The following SLCO4A1 variants were observed in gnomAD, a reference collection of about 807,000 sequenced individuals.
SLCO4A1 encodes the protein solute carrier organic anion transporter family member 4A1.
SLCO4A1 carries 51 observed loss-of-function variants against 64.6 expected under a neutral mutation model. The ratio of observed to expected loss-of-function variants is 0.79; its 90% CI spans 0.63 to 1.00. The LOEUF is 1.00. SLCO4A1 is among the 50% of genes least tolerant of loss of function. The probability of loss-of-function intolerance (pLI) is 0.00; values close to 1 mark genes in which losing one functional copy is unlikely to be tolerated. For missense variants in SLCO4A1, 919 were observed against 980.5 expected (o/e 0.94, Z 0.84); for synonymous variants, 471 against 444.9 (o/e 1.06, Z -0.74).
rs530184847 is a variant in SLCO4A1 at position 62,656,718 on chromosome 20, G to T, written c.264G>T (p.Trp88Cys). The change falls in exon 2 of 12, where the codon TGG becomes TGT. Residue 88 changes from tryptophan to cysteine, a missense_variant. Transcript: ENST00000217159. ...CCGGGCAGAGCGTGGCGTGCGGCTG[G>T]TGGGCCTTCGCACCGCCGTGCCTGC... ...VSAGQSVACG[W>C]WAFAPPCLQV... is the part of the protein sequence containing the mutation. The T allele has an allele frequency of 1.9e-6, 3 of 1,610,908 alleles. No individual in the cohort carries two copies. In the South Asian group the frequency reaches 3.3e-5, roughly 18 times the overall value.
chr20:62,648,040 G>A (rs1981697229), intron 1 of SLCO4A1, among the ~76,000 whole-genome samples: 1 of 152,224 alleles, frequency 6.6e-6, no homozygotes. Flanking sequence ...AGGCGCACAC[G>A]CACGCATACA....
At chr20:62,673,287 G>A (rs1987413284), downstream of SLCO4A1, among the ~76,000 whole-genome samples, 1 of 142,650 alleles carries the variant, frequency 7.0e-6, no homozygotes, top group African/African-American at 2.5e-5. Flanking sequence ...CAGGGGCTCT[G>A]GGGAGCCAGG....
intron 11 of SLCO4A1, chr20:62,670,033 C>A (rs558826349): frequency 6.6e-6 from 1 of 152,234 alleles, no homozygotes; most frequent in Non-Finnish European, 1.5e-5. Flanking sequence ...CTTTAAAGCA[C>A]GCGCCGTTCT....
intron 8 of SLCO4A1, 47 bp from the exon 9 acceptor site, chr20:62,667,965 C>A (rs1372279759): frequency 1.2e-6 from 2 of 1,613,548 alleles, no homozygotes; most frequent in African/African-American, 2.7e-5. Flanking sequence ...TGGGAAGGGG[C>A]CCCCGTGCCT....
chr20:62,659,670 C>T (rs1339615400), intron 3 of SLCO4A1, among the ~76,000 whole-genome samples: 1 of 152,222 alleles, frequency 6.6e-6, no homozygotes, highest in African/African-American at 2.4e-5. Flanking sequence ...GAGGCGGCCG[C>T]AGCATTTCTG....
At position 62,644,502 on chromosome 20, in the gene SLCO4A1, A is replaced by G. The variant is rs1980971970; in HGVS notation, c.-97+1949A>G. Among the ~76,000 whole-genome samples the G allele has an allele frequency of 6.6e-6, 1 of 152,210 alleles. No homozygotes were observed. The highest frequency in any genetic ancestry group is 2.4e-5 in the African/African-American group (1 of 41,458). On this transcript the variant is annotated intron_variant, in intron 1 of 11. Transcript: ENST00000217159. The surrounding 1 kb of genome is among the most constrained non-coding windows in gnomAD (Gnocchi z 5.4). ...GGCCAGGTGAAGGGTGGCCAGGTGG[A>G]TGGACATGCTCTCCTTGCTAGACTA...
rs1448700435 is a variant in SLCO4A1, at chr20:62,664,973, G to C, written c.1161G>C (p.Leu387=). 1.2e-6 allele frequency: 2 copies of C among 1,613,340 alleles called. No individual in the cohort carries two copies. Among genetic ancestry groups the C allele is most frequent in the Non-Finnish European group, 1.7e-6 (2 of 1,179,674 alleles). Residue 387 remains leucine, a synonymous_variant, in exon 6 of 12, where the codon CTG becomes CTC. Transcript: ENST00000217159. ...WLLLKNPTFI[L]LCLAGATEAT... ...TGCTGAAGAACCCCACGTTCATCCT[G>C]CTCTGCCTGGCCGGGGCCACCGAGG...
chr20:62,673,294 C>T (rs576989769), downstream of SLCO4A1, among the ~76,000 whole-genome samples: 99 of 142,678 alleles, frequency 6.9e-4, 8 homozygotes, highest in African/African-American at 2.2e-3. Context: ...TCTGGGGAGC[C>T]AGGGAAGTGG....
rs1260627160 is a variant in SLCO4A1 at position 62,666,431 on chromosome 20, T to C, written c.1328T>C (p.Phe443Ser). The C allele has an allele frequency of 6.2e-7, 1 of 1,613,200 alleles. No individual in the cohort carries two copies. Among genetic ancestry groups the C allele is most frequent in the Admixed American group, 1.7e-5 (1 of 60,014 alleles). ...GGCGGCACCTTCCTGGGCGGCTTCTTTGTGAACAAGCTCAGGCTCCGGGGC... is the reference window on the plus strand; with the variant it reads ...GGCGGCACCTTCCTGGGCGGCTTCTCTGTGAACAAGCTCAGGCTCCGGGGC... ...GGGGTFLGGF[F>S]VNKLRLRGSA... Residue 443 changes from phenylalanine (F) to serine (S), a missense_variant, in exon 7 of 12, where the codon TTT (phenylalanine) becomes TCT (serine). Transcript: ENST00000217159.
At chr20:62,651,350 C>T (rs966204788) in intron 1 of SLCO4A1, 7 of 152,162 alleles carry the variant, frequency 4.6e-5, no homozygotes, top group South Asian at 2.1e-4. Context: ...ATGCTGCTTG[C>T]GTGAGATTCA....
At chr20:62,652,755 C>T (rs1042215812) in intron 1 of SLCO4A1, among the ~76,000 whole-genome samples, 6 of 152,214 alleles carry the variant, frequency 3.9e-5, no homozygotes, top group African/African-American at 9.6e-5. Flanking sequence ...GGTGTGGCCG[C>T]GGGCACCCAG....
In SLCO4A1 at chr20:62,656,856, C is replaced by T; in HGVS notation, c.402C>T (p.Arg134=). 1 of 1,602,624 alleles carries T rather than the reference C, an allele frequency of 6.2e-7. No homozygotes were observed. The highest frequency in any genetic ancestry group is 1.1e-5 in the South Asian group (1 of 90,290). The change falls in exon 2 of 12, where the codon CGC becomes CGT. Residue 134 remains arginine, a synonymous_variant. Transcript: ENST00000217159. ...CAGTCATCACCTCCCTGGAGCGCCG[C>T]TATGACCTGCACAGCTACCAGAGCG... The part of the protein sequence containing the change: ...INTVITSLER[R]YDLHSYQSGL...
intron 2 of SLCO4A1, among the ~76,000 whole-genome samples, chr20:62,682,649 CCACACA>C (rs10552847): frequency 0.038 from 5,769 of 150,598 alleles, 155 homozygotes; most frequent in South Asian, 0.098. Context: ...GACCATGTGA[CCACACA>C]CACACACACA....
chr20:62,663,024 A>C (rs1280575271), intron 5 of SLCO4A1: 1 of 152,236 alleles, frequency 6.6e-6, no homozygotes, highest in East Asian at 1.9e-4. Flanking sequence ...TCAAGTCAGG[A>C]AATAAATTTT....
At chr20:62,684,541 A>G (rs545907991) in intron 2 of SLCO4A1, among the ~76,000 whole-genome samples, 91 of 152,248 alleles carry the variant, frequency 6.0e-4, no homozygotes, top group East Asian at 5.8e-4. Context: ...CCACAATCAC[A>G]GGGGAGACTG....
rs1010424741 is a variant in SLCO4A1 at position 62,648,033 on chromosome 20, C to T, written c.-97+5480C>T. Among the ~76,000 whole-genome samples, 3 of 152,242 alleles carry T rather than the reference C, an allele frequency of 2.0e-5. No homozygotes were observed. The East Asian group carries it at 5.8e-4, about 29-fold the overall frequency. ...TAGCGGGCACTGACCCATACACAGGCGCACACGCACGCATACACCCTCCCC... is the reference window on the plus strand; with the variant it reads ...TAGCGGGCACTGACCCATACACAGGTGCACACGCACGCATACACCCTCCCC... On this transcript the variant is annotated intron_variant, in intron 1 of 11. Transcript: ENST00000217159.
At chr20:62,684,962 G>T (rs1365106780) in intron 2 of SLCO4A1, among the ~76,000 whole-genome samples, 1 of 152,144 alleles carries the variant, frequency 6.6e-6, no homozygotes, top group Non-Finnish European at 1.5e-5. Flanking sequence ...TCCCCAGAAA[G>T]GCCCGGCCAA....
intron 10 of SLCO4A1, 126 bp downstream of exon 10, chr20:62,668,667 G>A (rs943267097): frequency 2.8e-5 from 27 of 973,534 alleles, no homozygotes; most frequent in Non-Finnish European, 4.2e-5. Flanking sequence ...CCTGGGAAGG[G>A]GTCCATTCCC....
chr20:62,664,034 A>G (rs1985599734), intron 5 of SLCO4A1, among the ~76,000 whole-genome samples: 1 of 151,906 alleles, frequency 6.6e-6, no homozygotes, highest in Non-Finnish European at 1.5e-5. Context: ...GCCCCGACGC[A>G]CTGCTGTCGG....
Sources: gnomAD v4.1 joint callset for allele counts (sites outside exome capture counted in the v4.1 genomes callset) on GRCh38, gnomAD v4.1.1 for gene constraint, Gnocchi (gnomAD v3.1) non-coding constraint, MANE v1.5 for transcripts, NCBI Gene and HGNC (gene_info 2026-07-23, HGNC 2026-07-21) for gene names.